The following TMEM233 variants were observed in gnomAD, a reference collection of about 807,000 sequenced individuals.
The protein encoded by TMEM233 is dispanin subfamily B member 2.
Under a neutral mutation model 11.2 loss-of-function variants are expected in TMEM233, and 6 were observed. That is an observed-to-expected ratio of 0.54 (90% confidence interval 0.29 to 1.06). The LOEUF is 1.06. Ranked by LOEUF, TMEM233 falls within the 50% of genes least tolerant of loss-of-function variation. TMEM233 has a pLI of 0.08. For missense variants in TMEM233, 127 were observed against 144.7 expected (o/e 0.88, Z 0.63); for synonymous variants, 59 against 55.8 (o/e 1.06, Z -0.26).
chr12:119,604,198 A>G (rs1232520194), intron 1 of TMEM233, among the ~76,000 whole-genome samples: 1 of 152,244 alleles, frequency 6.6e-6, no homozygotes, highest in Non-Finnish European at 1.5e-5. Flanking sequence ...AGACTTTCCA[A>G]CATGGTGCTT....
chr12:119,624,098 C>T (rs142691632), intron 1 of TMEM233, among the ~76,000 whole-genome samples: 1,778 of 151,824 alleles, frequency 0.012, 34 homozygotes, highest in African/African-American at 0.041. Context: ...GCCTGTAATC[C>T]CAGCACTTTG....
At chr12:119,597,367 G>C (rs1954068522) in intron 1 of TMEM233, among the ~76,000 whole-genome samples, 1 of 151,996 alleles carries the variant, frequency 6.6e-6, no homozygotes, top group African/African-American at 2.4e-5. Context: ...CCAATACCAA[G>C]ACCATCCCAA....
chr12:119,620,685 C>G (rs1566106356), intron 1 of TMEM233, among the ~76,000 whole-genome samples: 1 of 152,028 alleles, frequency 6.6e-6, no homozygotes, highest in Admixed American at 6.5e-5. Context: ...CAAATCAAGA[C>G]TTTCCCCAAG....
At chr12:119,645,868 G>A (rs554753255), downstream of TMEM233, among the ~76,000 whole-genome samples, 2 of 152,270 alleles carry the variant, frequency 1.3e-5, no homozygotes, top group East Asian at 3.9e-4. Context: ...GGAATCCCAT[G>A]CATGGGGACT....
In TMEM233 at chr12:119,629,849, T is replaced by G; in HGVS notation, c.300T>G (p.Ser100=). Residue 100 remains serine, a synonymous_variant, in exon 2 of 3, where the codon TCT becomes TCG. Coordinates refer to ENST00000426426, the MANE Select transcript of TMEM233 (RefSeq NM_001136534.3). Reference sequence around the variant, plus strand: ...TTGGCCTTCTCATCATCGGCATTTCTTGTGCAGTTCACTTCACAAGGAAGT... The same window carrying G: ...TTGGCCTTCTCATCATCGGCATTTCGTGTGCAGTTCACTTCACAAGGAAGT... ...IIIGLLIIGI[S]CAVHFTRNA is the part of the protein sequence containing the mutation. 1.3e-6 allele frequency: 2 copies of G among 1,551,582 alleles called. No homozygotes were observed. The highest frequency in any genetic ancestry group is 2.4e-5 in the South Asian group (2 of 84,038).
chr12:119,643,575 T>C (rs1955113123), downstream of TMEM233, among the ~76,000 whole-genome samples: 1 of 152,104 alleles, frequency 6.6e-6, no homozygotes, highest in South Asian at 2.1e-4. Flanking sequence ...GAGACCATCC[T>C]GGCTAACACA....
Position 119,606,658 on chromosome 12 carries a change from C to T in TMEM233, c.186+12624C>T, listed in dbSNP as rs145187284. 1.6e-3 allele frequency among the ~76,000 whole-genome samples: 238 copies of T among 152,140 alleles called. 2 individuals are homozygous for T. The highest frequency in any genetic ancestry group is 5.4e-3 in the African/African-American group (223 of 41,514). ...ACACACAAGGTTTATACAAAGAAAG[C>T]CTCACCAAGAGATTAAAATGAAAAA... On this transcript the variant is annotated intron_variant, in intron 1 of 2. Coordinates refer to ENST00000426426, the MANE Select transcript of TMEM233 (RefSeq NM_001136534.3).
In TMEM233 at chr12:119,640,849, T is replaced by C; in HGVS notation, c.*144T>C. 1 of 563,310 alleles carries C rather than the reference T, an allele frequency of 1.8e-6. No individual in the cohort carries two copies. Among genetic ancestry groups the C allele is most frequent in the Non-Finnish European group, 2.4e-6 (1 of 422,538 alleles). 34.9% of individuals were successfully genotyped at this position (563,310 alleles called of 1,614,324 possible). A position where few individuals can be genotyped will look rare whatever the true frequency, so the allele number is the denominator to read the frequency against. On this transcript the variant is annotated 3_prime_UTR_variant, in exon 3 of 3. Coordinates refer to ENST00000426426, the MANE Select transcript of TMEM233 (RefSeq NM_001136534.3). ...TCTCCAGAGGCAGGTCCCTGGCAAATGAACAAGAAAAAAAAAAAAAAAAAG... is the reference window on the plus strand; with the variant it reads ...TCTCCAGAGGCAGGTCCCTGGCAAACGAACAAGAAAAAAAAAAAAAAAAAG...
downstream of TMEM233, among the ~76,000 whole-genome samples, chr12:119,646,758 C>G (rs1318702646): frequency 6.6e-6 from 1 of 152,218 alleles, no homozygotes; most frequent in African/African-American, 2.4e-5. Flanking sequence ...TACTTTGGGT[C>G]CACCTGGATG....
chr12:119,594,108 C>T lies in TMEM233; in HGVS notation c.186+74C>T. The T allele has an allele frequency of 6.9e-7, 1 of 1,447,532 alleles. No homozygotes were observed. Among genetic ancestry groups the T allele is most frequent in the Non-Finnish European group, 9.4e-7 (1 of 1,068,320 alleles). The allele number at this position is 1,447,532 out of a possible 1,614,324, so 89.7% of individuals were successfully genotyped here. A position where few individuals can be genotyped will look rare whatever the true frequency, so the allele number is the denominator to read the frequency against. On this transcript the variant is annotated intron_variant, in intron 1 of 2. Transcript: ENST00000426426. The surrounding 1 kb of genome is among the most constrained non-coding windows in gnomAD (Gnocchi z 5.6). Reference sequence around the variant, plus strand: ...CTTTGAGCCCCTGCAGGGGAGTCCGCGCGCTCTCTGCGGCTCCCTTCCTCA... The same window carrying T: ...CTTTGAGCCCCTGCAGGGGAGTCCGTGCGCTCTCTGCGGCTCCCTTCCTCA...
chr12:119,601,527 G>C (rs977093262), intron 1 of TMEM233, among the ~76,000 whole-genome samples: 2 of 151,962 alleles, frequency 1.3e-5, no homozygotes, highest in Non-Finnish European at 2.9e-5. Context: ...GCGTGGTGGC[G>C]GGCGCCTGTA....
the TMEM233 span, among the ~76,000 whole-genome samples, chr12:119,650,832 C>T: frequency 4.6e-5 from 7 of 152,078 alleles, no homozygotes; most frequent in South Asian, 2.1e-4. Flanking sequence ...TAGTAGCCAT[C>T]GGGTTTTGCC....
chr12:119,601,506 A>C (rs1007842018), intron 1 of TMEM233, among the ~76,000 whole-genome samples: 19 of 152,016 alleles, frequency 1.2e-4, no homozygotes, highest in Non-Finnish European at 1.9e-4. Flanking sequence ...AATGCAAAAA[A>C]AATTAGCCAG....
intron 1 of TMEM233, among the ~76,000 whole-genome samples, chr12:119,621,082 C>G (rs552125717): frequency 3.2e-4 from 46 of 141,964 alleles, no homozygotes; most frequent in African/African-American, 1.2e-3. Flanking sequence ...GGGTCTTTCT[C>G]TATCACTCAG....
At chr12:119,627,405 G>T (rs1472741373) in intron 1 of TMEM233, among the ~76,000 whole-genome samples, 4 of 152,184 alleles carry the variant, frequency 2.6e-5, no homozygotes, top group Non-Finnish European at 5.9e-5. Context: ...AAGAAAGGAG[G>T]TTTGTTTGGT....
chr12:119,626,444 T>C (rs1344894861), intron 1 of TMEM233, among the ~76,000 whole-genome samples: 1 of 126,408 alleles, frequency 7.9e-6, no homozygotes, highest in Admixed American at 9.5e-5. Flanking sequence ...CACTCCAGCC[T>C]GGGAAACAAA....
rs1002132141 is a variant in TMEM233, at chr12:119,642,468, C to T, written c.*1763C>T. 2.6e-5 allele frequency: 4 copies of T among 151,378 alleles called. No individual in the cohort carries two copies. The highest frequency in any genetic ancestry group is 1.9e-4 in the East Asian group (1 of 5,168). The allele number at this position is 151,378 out of a possible 1,614,324, so 9.4% of individuals were successfully genotyped here. On this transcript the variant is annotated 3_prime_UTR_variant, in exon 3 of 3. Transcript: ENST00000426426. ...ATCTCAAAAAAAAAAGAAAAGAAAA[C>T]GAAAGAAAAAGAAAAAAGAAAGGCA...
At chr12:119,603,512 G>A (rs1954208240) in intron 1 of TMEM233, among the ~76,000 whole-genome samples, 1 of 152,216 alleles carries the variant, frequency 6.6e-6, no homozygotes, top group Non-Finnish European at 1.5e-5. Context: ...GGTGAGCCCA[G>A]GTAGGACTCA....
the TMEM233 span, among the ~76,000 whole-genome samples, chr12:119,648,190 A>C: frequency 1.3e-5 from 2 of 151,324 alleles, no homozygotes; most frequent in African/African-American, 2.4e-5. Context: ...CTATTACACC[A>C]CCCTGTTTTA....
Sources: gnomAD v4.1 joint callset for allele counts (sites outside exome capture counted in the v4.1 genomes callset) on GRCh38, gnomAD v4.1.1 for gene constraint, Gnocchi (gnomAD v3.1) non-coding constraint, MANE v1.5 for transcripts, NCBI Gene and HGNC (gene_info 2026-07-23, HGNC 2026-07-21) for gene names.